NSMF: variants seen among roughly 807,000 people sequenced by gnomAD.
The protein encoded by NSMF is nasal embryonic LHRH factor.
A neutral mutation model predicts 71.0 loss-of-function variants in NSMF; 31 were observed. The ratio of observed to expected loss-of-function variants is 0.44; its 90% CI spans 0.33 to 0.59. The LOEUF is 0.59. Among genes scored for constraint, NSMF ranks in the 20% least tolerant of loss-of-function variants. The pLI is 0.04. For missense variants in NSMF, 673 were observed against 740.5 expected, an observed-to-expected ratio of 0.91 and a Z score of 1.06; for synonymous variants, 345 against 287.1, an observed-to-expected ratio of 1.20 and a Z score of -2.04.
Position 137,456,420 on chromosome 9 carries a change from G to A in NSMF, c.695C>T (p.Thr232Ile). The A allele has an allele frequency of 6.2e-7, 1 of 1,612,668 alleles. No homozygotes were observed. The highest frequency in any genetic ancestry group is 8.5e-7 in the Non-Finnish European group (1 of 1,179,264). The change falls in exon 4 of 16, where the codon ACT becomes ATT. Residue 232 changes from threonine to isoleucine, a missense_variant. Physicochemically the swap from Thr to Ile is moderately conservative, Grantham distance 89. Coordinates refer to ENST00000371475, the MANE Select transcript of NSMF (RefSeq NM_001130969.3). The stretch of plus-strand genomic sequence containing the variant: ...TGGGCACAAGACTCACGCTTGCATA[G>A]TTGTGGTTGCTGTCTGGAAGCTGAA... The part of the protein sequence containing the change: ...NLFSFQTATT[T>I]MQAISVFRGY...
chr9:137,457,925 T>C, intron 2 of NSMF, 24 bp from the exon 3 acceptor site: 1 of 1,537,946 alleles, frequency 6.5e-7, no homozygotes, highest in South Asian at 1.2e-5. Flanking sequence ...TGAGTGAGCC[T>C]GCCTGCCGCG....
At chr9:137,449,793 G>T in intron 14 of NSMF, 119 bp from the exon 15 acceptor site, 1 of 1,299,612 alleles carries the variant, frequency 7.7e-7, no homozygotes, top group Non-Finnish European at 1.1e-6. Context: ...GCTGGGCTCA[G>T]GCATAAAGGA....
intron 12 of NSMF, 58 bp from the exon 13 acceptor site, chr9:137,450,313 T>G (rs559594131): frequency 2.0e-5 from 28 of 1,400,910 alleles, no homozygotes; most frequent in East Asian, 4.6e-5. Flanking sequence ...CCGACACACA[T>G]GCACCCACGC....
At position 137,459,209 on chromosome 9, in the gene NSMF, G is replaced by C. The variant is rs1315918833; in HGVS notation, c.-107C>G. On this transcript the variant is annotated 5_prime_UTR_variant, in exon 1 of 16. Coordinates refer to ENST00000371475, the MANE Select transcript of NSMF (RefSeq NM_001130969.3). Reference sequence around the variant, plus strand: ...GGGGTCGCGCTCGGGCTCGGGCTCGGGGTCTCGCTCGGGCTCCGGCTCGGG... The same window carrying C: ...GGGGTCGCGCTCGGGCTCGGGCTCGCGGTCTCGCTCGGGCTCCGGCTCGGG... 1.9e-5 allele frequency: 16 copies of C among 863,466 alleles called. No homozygotes were observed. Among genetic ancestry groups the C allele is most frequent in the Non-Finnish European group, 2.3e-5 (16 of 697,428 alleles). The allele number at this position is 863,466 out of a possible 1,614,324, so 53.5% of individuals were successfully genotyped here. A position where few individuals can be genotyped will look rare whatever the true frequency, so the allele number is the denominator to read the frequency against.
At chr9:137,455,014 A>C (rs1231665798) in intron 6 of NSMF, 7 of 726,636 alleles carry the variant, frequency 9.6e-6, no homozygotes, top group African/African-American at 7.0e-5. Context: ...TGCTGGCCCC[A>C]GCCCAGACAG....
Position 137,450,180 on chromosome 9 carries a change from T to A in NSMF, c.1312A>T (p.Ile438Phe). 6.2e-7 allele frequency: 1 copy of A among 1,613,354 alleles called. No individual in the cohort carries two copies. Among genetic ancestry groups the A allele is most frequent in the Non-Finnish European group, 8.5e-7 (1 of 1,179,834 alleles). The change falls in exon 13 of 16, where the codon ATT becomes TTT. Residue 438 changes from isoleucine to phenylalanine, a missense_variant. Transcript: ENST00000371475. ...FAKVEKEEDMIHFWKRLSRLM... is the reference protein window; with the variant it reads ...FAKVEKEEDMFHFWKRLSRLM... ...CCAGGGCACCCGGCTTCTCACTGAATCATGTCCTCTTCCTTCTCCACTTTG... is the reference window on the plus strand; with the variant it reads ...CCAGGGCACCCGGCTTCTCACTGAAACATGTCCTCTTCCTTCTCCACTTTG...
chr9:137,450,415 C>G (rs1402228189), intron 12 of NSMF, among the ~76,000 whole-genome samples, 160 bp from the exon 13 acceptor site: 1 of 138,426 alleles, frequency 7.2e-6, no homozygotes, highest in Non-Finnish European at 1.6e-5. Flanking sequence ...TGATCTCCCC[C>G]ACCACACGCC....
chr9:137,457,480 G>C lies in NSMF; in HGVS notation c.555C>G (p.Asp185Glu). Reference protein sequence around the residue: ...PGPTPRAFGLDQPPLPETSGR... With the variant: ...PGPTPRAFGLEQPPLPETSGR... ...CGGAGGTCTCAGGCAGAGGTGGCTG[G>C]TCCAGCCCAAAGGCCCGAGGGGTGG... Residue 185 changes from aspartate (D) to glutamate (E), a missense_variant, in exon 3 of 16, where the codon GAC (aspartate) becomes GAG (glutamate). By Grantham distance (45) the Asp-to-Glu change is conservative. Coordinates refer to ENST00000371475, the MANE Select transcript of NSMF (RefSeq NM_001130969.3). 1 of 1,612,724 alleles carries C rather than the reference G, an allele frequency of 6.2e-7. No homozygotes were observed. The highest frequency in any genetic ancestry group is 8.5e-7 in the Non-Finnish European group (1 of 1,179,938).
chr9:137,454,078 A>C (rs1199040885), intron 7 of NSMF, among the ~76,000 whole-genome samples: 4 of 131,322 alleles, frequency 3.0e-5, no homozygotes, highest in African/African-American at 1.2e-4. Flanking sequence ...GGAGGGGAGG[A>C]GCCTGGGCCG....
Position 137,457,811 on chromosome 9 carries a change from G to A in NSMF, c.224C>T (p.Ser75Phe). The change falls in exon 3 of 16, where the codon TCC becomes TTC. Residue 75 changes from serine (S) to phenylalanine (F), a missense_variant. Physicochemically the swap from Ser to Phe is radical, Grantham distance 155. Coordinates refer to ENST00000371475, the MANE Select transcript of NSMF (RefSeq NM_001130969.3). ...GAGGCTGCCCTCGTAGCAGCCGTTG[G>A]AGACGAGGGACAGGCGGCGCTTGTT... is the stretch of plus-strand genomic sequence containing the variant. Reference protein sequence around the residue: ...PQNKRRLSLVSNGCYEGSLSE... With the variant: ...PQNKRRLSLVFNGCYEGSLSE... The A allele has an allele frequency of 6.4e-7, 1 of 1,558,170 alleles. No homozygotes were observed.
chr9:137,453,787 C>G lies in NSMF; in HGVS notation c.866G>C (p.Arg289Pro). 6.3e-7 allele frequency: 1 copy of G among 1,599,458 alleles called. No homozygotes were observed. Among genetic ancestry groups the G allele is most frequent in the Non-Finnish European group, 8.5e-7 (1 of 1,178,194 alleles). ...FAERRERSFS[R>P]SWSDPTPMKA... ...CATGGGGGTGGGGTCGCTCCAGGAC[C>G]GGCTGAAGCTCCGCTCGCGCCGCTC... is the stretch of plus-strand genomic sequence containing the variant. The change falls in exon 8 of 16, where the codon CGG (arginine) becomes CCG (proline). Residue 289 changes from arginine (R) to proline (P), a missense_variant. Around this residue, in one of 2 missense-constraint regions of NSMF, gnomAD observed 471 missense variants for 459.6 expected, o/e 1.02. Coordinates refer to ENST00000371475, the MANE Select transcript of NSMF (RefSeq NM_001130969.3). This position sits in a 1 kb window ranked among gnomAD's most constrained non-coding sequence, Gnocchi z 4.5.
intron 6 of NSMF, chr9:137,454,772 A>G (rs1253628566): frequency 7.1e-7 from 1 of 1,414,756 alleles, no homozygotes; most frequent in Non-Finnish European, 9.3e-7. Flanking sequence ...CCCATGTGGC[A>G]GAGGATCCAG....
chr9:137,458,846 C>A (rs1831016563), intron 1 of NSMF, among the ~76,000 whole-genome samples, 186 bp downstream of exon 1: 1 of 151,988 alleles, frequency 6.6e-6, no homozygotes, highest in African/African-American at 2.4e-5. Flanking sequence ...ACCACGCGCT[C>A]GCGAGGGGAG....
chr9:137,456,461 G>C lies in NSMF; in HGVS notation c.654C>G (p.Phe218Leu). The change falls in exon 4 of 16, where the codon TTC becomes TTG. Residue 218 changes from phenylalanine (F) to leucine (L), a missense_variant. By Grantham distance (22) the Phe-to-Leu change is conservative. This residue lies in a region of NSMF where 471 missense variants were observed against 459.6 expected (regional missense o/e 1.02). Coordinates refer to ENST00000371475, the MANE Select transcript of NSMF (RefSeq NM_001130969.3). ...GGAAGCTGAAAAGATTTTCCTTGGG[G>C]AACCAGGTACGAATAGGGATGTCGT... ...VSDDIPIRTW[F>L]PKENLFSFQT... The C allele has an allele frequency of 1.2e-6, 2 of 1,613,204 alleles. No individual in the cohort carries two copies. The highest frequency in any genetic ancestry group is 1.7e-6 in the Non-Finnish European group (2 of 1,179,636).
At chr9:137,456,509 G>C (rs1474902806) in intron 3 of NSMF, 23 bp from the exon 4 acceptor site, 12 of 1,541,684 alleles carry the variant, frequency 7.8e-6, no homozygotes, top group Admixed American at 1.7e-5. Context: ...AAAAGGAGCG[G>C]TGGCTGGGTG....
At position 137,449,626 on chromosome 9, in the gene NSMF, C is replaced by G. The variant is rs1461351774; in HGVS notation, c.1468G>C (p.Glu490Gln). 6.2e-7 allele frequency: 1 copy of G among 1,612,552 alleles called. No homozygotes were observed. Among genetic ancestry groups the G allele is most frequent in the South Asian group, 1.1e-5 (1 of 90,972 alleles). Residue 490 changes from glutamate (E) to glutamine (Q), a missense_variant, in exon 15 of 16, where the codon GAG becomes CAG. Physicochemically the swap from Glu to Gln is conservative, Grantham distance 29. Transcript: ENST00000371475. ...TGGGCTGAGAGCTCCAGGGGTGACT[C>G]GAAGGTGACCCTATAAGGAGTCATG... ...TLMTPYRVTF[E>Q]SPLELSAQGK...
In NSMF at chr9:137,458,552, G is replaced by A. The variant is rs761469546; in HGVS notation, c.72-3C>T. ...ACTCTCCAAACGCTCGGGCTGCTCT[G>A]AGGGTGGACAGAGGGCACGGTCAGA... On this transcript the variant is annotated splice_polypyrimidine_tract_variant and splice_region_variant and intron_variant, in intron 1 of 15. Coordinates refer to ENST00000371475, the MANE Select transcript of NSMF (RefSeq NM_001130969.3). 1.9e-6 allele frequency: 3 copies of A among 1,594,020 alleles called. No homozygotes were observed. Among genetic ancestry groups the A allele is most frequent in the Non-Finnish European group, 2.6e-6 (3 of 1,172,360 alleles).
rs1455664995 is a variant in NSMF, at chr9:137,454,459, AG to A, written c.780-17del. The A allele has an allele frequency of 6.5e-7, 1 of 1,550,018 alleles. No individual in the cohort carries two copies. The highest frequency in any genetic ancestry group is 8.7e-7 in the Non-Finnish European group (1 of 1,146,770). ...GCGGAAGTTCCTGGGGGAGGAAGCCAGGGGCTGAAGAGGGCCGTGAGAGGGT... is the reference window on the plus strand; with the variant it reads ...GCGGAAGTTCCTGGGGGAGGAAGCCAGGGCTGAAGAGGGCCGTGAGAGGGT... On this transcript the variant is annotated splice_polypyrimidine_tract_variant and intron_variant, in intron 6 of 15. Coordinates refer to ENST00000371475, the MANE Select transcript of NSMF (RefSeq NM_001130969.3).
chr9:137,458,465 G>C (rs113613912), intron 2 of NSMF, 23 bp downstream of exon 2: 1 of 1,564,160 alleles, frequency 6.4e-7, no homozygotes, highest in Admixed American at 1.8e-5. Flanking sequence ...GGGCGGCCCT[G>C]GCACGGCCTC....
Sources: allele counts gnomAD v4.1 joint callset (sites outside exome capture counted in the v4.1 genomes callset), GRCh38; gene constraint gnomAD v4.1.1; regional missense constraint gnomAD v4.1.1; non-coding constraint Gnocchi (gnomAD v3.1); transcripts MANE v1.5; gene names NCBI Gene and HGNC (gene_info 2026-07-23, HGNC 2026-07-21).